CKLF: variants seen among roughly 807,000 people sequenced by gnomAD.
The protein encoded by CKLF is chemokine-like factor.
In CKLF, 16 loss-of-function variants were observed where a neutral mutation model predicts 12.9. The ratio of observed to expected loss-of-function variants is 1.24; its 90% CI spans 0.84 to 1.88. The LOEUF is 1.88. CKLF is among the 40% of genes most tolerant of loss of function. The pLI is 0.00. For synonymous variants in CKLF, 61 were observed against 69.0 expected (o/e 0.88, Z 0.57); for missense variants, 172 against 188.5 (o/e 0.91, Z 0.51).
intron 2 of CKLF, 172 bp from the exon 3 acceptor site, chr16:66,562,950 G>A: frequency 1.4e-6 from 1 of 724,012 alleles, no homozygotes; most frequent in Non-Finnish European, 2.3e-6. Flanking sequence ...TCAAACTCCA[G>A]GCTTCAAGTG....
chr16:66,554,424 AAGAAGTTGAGT>A (rs1413805204), intron 1 of CKLF, among the ~76,000 whole-genome samples: 1 of 152,236 alleles, frequency 6.6e-6, no homozygotes, highest in Non-Finnish European at 1.5e-5. Flanking sequence ...AGAGAAATAT[AAGAAGTTGAGT>A]GTTACCTCAT....
chr16:66,557,091 A>G (rs2011478248), intron 1 of CKLF, among the ~76,000 whole-genome samples: 1 of 151,948 alleles, frequency 6.6e-6, no homozygotes, highest in Non-Finnish European at 1.5e-5. Flanking sequence ...TTCTGATTGC[A>G]TTGTTTAGGT....
At chr16:66,566,144 G>A, downstream of CKLF, 1 of 1,600,372 alleles carries the variant, frequency 6.2e-7, no homozygotes, top group South Asian at 1.1e-5. This position sits in a 1 kb window ranked among gnomAD's most constrained non-coding sequence, Gnocchi z 4.9. Context: ...CCCGCGCAGA[G>A]CACTACTGTA....
chr16:66,562,976 A>T, intron 2 of CKLF, 146 bp from the exon 3 acceptor site: 2 of 844,684 alleles, frequency 2.4e-6, no homozygotes, highest in Non-Finnish European at 3.8e-6. Flanking sequence ...TCTGCCTTCC[A>T]AAGTGCTGGG....
At position 66,565,895 on chromosome 16, in the gene CKLF, C is replaced by A; in HGVS notation, c.343C>A (p.Leu115Ile). ...TTGTCTTTCTTTCCAGGTGTTTGCA[C>A]TTGTGACAGCAGTATGCTGTCTTGC... is the stretch of plus-strand genomic sequence containing the variant. ...TLTVGGGVFA[L>I]VTAVCCLADG... The change falls in exon 4 of 4, where the codon CTT (leucine) becomes ATT (isoleucine). Residue 115 changes from leucine (L) to isoleucine (I), a missense_variant. By Grantham distance (5) the Leu-to-Ile change is conservative. Transcript: ENST00000264001. 6.2e-7 allele frequency: 1 copy of A among 1,613,970 alleles called. No homozygotes were observed. The highest frequency in any genetic ancestry group is 8.5e-7 in the Non-Finnish European group (1 of 1,179,974).
At chr16:66,554,593 A>C (rs1466031998) in intron 1 of CKLF, among the ~76,000 whole-genome samples, 1 of 152,198 alleles carries the variant, frequency 6.6e-6, no homozygotes, top group Non-Finnish European at 1.5e-5. Flanking sequence ...AAACACAATA[A>C]ATTTTAGTAT....
chr16:66,559,213 T>A (rs1341616003), intron 2 of CKLF, among the ~76,000 whole-genome samples: 1 of 152,178 alleles, frequency 6.6e-6, no homozygotes, highest in Non-Finnish European at 1.5e-5. Flanking sequence ...AGCTGATAAT[T>A]CCTATTAACA....
chr16:66,564,474 T>C (rs1032763858), intron 3 of CKLF, among the ~76,000 whole-genome samples: 2 of 150,584 alleles, frequency 1.3e-5, no homozygotes, highest in African/African-American at 4.8e-5. Flanking sequence ...TTTTTCTTTT[T>C]TTTTTTTTTC....
downstream of CKLF, chr16:66,566,121 C>A: frequency 6.2e-7 from 1 of 1,609,614 alleles, no homozygotes; most frequent in East Asian, 2.2e-5. This position sits in a 1 kb window ranked among gnomAD's most constrained non-coding sequence, Gnocchi z 4.9. Context: ...GAAGAGATTT[C>A]CGAAGTCTGC....
chr16:66,559,592 C>G (rs1021764691), intron 2 of CKLF, among the ~76,000 whole-genome samples: 4 of 152,214 alleles, frequency 2.6e-5, no homozygotes, highest in African/African-American at 9.7e-5. Flanking sequence ...CTCTGCTTCT[C>G]TAGAGTTTAA....
chr16:66,558,260 G>C lies in CKLF; in HGVS notation c.149G>C (p.Gly50Ala). The part of the protein sequence containing the change: ...QAPEPYIVIT[G>A]FEVTVILFFI... ...CCTGAACCATATATTGTTATCACTG[G>C]ATTTGAAGTCACCGTTATCTTATTT... The change falls in exon 2 of 4, where the codon GGA (glycine) becomes GCA (alanine). Residue 50 changes from glycine (G) to alanine (A), a missense_variant. Gly to Ala is a moderately conservative substitution (Grantham distance 60). Coordinates refer to ENST00000264001, the MANE Select transcript of CKLF (RefSeq NM_016951.4). The C allele has an allele frequency of 6.2e-7, 1 of 1,613,844 alleles. No homozygotes were observed. The highest frequency in any genetic ancestry group is 1.1e-5 in the South Asian group (1 of 90,990).
chr16:66,558,458 C>T, intron 2 of CKLF, 110 bp downstream of exon 2: 21 of 1,445,670 alleles, frequency 1.5e-5, no homozygotes, highest in Non-Finnish European at 1.9e-5. Context: ...CTCTGTTAGG[C>T]TTAGGAAGGA....
intron 2 of CKLF, among the ~76,000 whole-genome samples, chr16:66,562,814 G>A (rs1001872541): frequency 2.6e-5 from 4 of 152,094 alleles, no homozygotes; most frequent in East Asian, 1.9e-4. Flanking sequence ...TCTGCCTCCC[G>A]GGTTCAAGCA....
chr16:66,555,752 G>A (rs2011418810), intron 1 of CKLF, among the ~76,000 whole-genome samples: 1 of 152,190 alleles, frequency 6.6e-6, no homozygotes, highest in South Asian at 2.1e-4. Flanking sequence ...AAACAAATTT[G>A]CATGTTAGAA....
At chr16:66,555,613 G>A (rs1237269191) in intron 1 of CKLF, among the ~76,000 whole-genome samples, 1 of 152,218 alleles carries the variant, frequency 6.6e-6, no homozygotes, top group African/African-American at 2.4e-5. Context: ...TGGATAAATT[G>A]TGAAGCAAGT....
chr16:66,557,894 G>C (rs939633704), intron 1 of CKLF, among the ~76,000 whole-genome samples: 3 of 152,136 alleles, frequency 2.0e-5, no homozygotes, highest in African/African-American at 7.2e-5. Context: ...TCCTCTAAAA[G>C]ACAAAGAGAA....
In CKLF at chr16:66,565,963, CGG is replaced by C. The variant is rs762714212; in HGVS notation, c.412_413del (p.Gly138SerfsTer9). The stretch of plus-strand genomic sequence containing the variant: ...ACCGGAAGCTTCTGTTCAATCCCAG[CGG>C]TCCTTACCAGAAAAAGCCTGTGCAT... The part of the protein sequence containing the change: ...IYRKLLFNPS[G>X]PYQKKPVHEK... On this transcript the variant is annotated frameshift_variant, in exon 4 of 4. Coordinates refer to ENST00000264001, the MANE Select transcript of CKLF (RefSeq NM_016951.4). LOFTEE classifies it low-confidence loss of function (END_TRUNC). 3 of 1,613,086 alleles carry C rather than the reference CGG, an allele frequency of 1.9e-6. No homozygotes were observed. The highest frequency in any genetic ancestry group is 1.7e-6 in the Non-Finnish European group (2 of 1,179,152).
rs2011882684 is a variant in CKLF, at chr16:66,563,330, GGCCAATATACAAT to G, written c.333+117_333+129del. ...ACTATATTCATCCTTGAGATTCCTA[GGCCAATATACAAT>G]GCCTAGTGGCTTAATATTTTTGTCT... On this transcript the variant is annotated intron_variant, in intron 3 of 3. Coordinates refer to ENST00000264001, the MANE Select transcript of CKLF (RefSeq NM_016951.4). The G allele has an allele frequency of 3.1e-6, 4 of 1,282,750 alleles. No homozygotes were observed. The Admixed American group carries it at 9.8e-5, about 31-fold the overall frequency. The allele number at this position is 1,282,750 out of a possible 1,614,324, so 79.5% of individuals were successfully genotyped here.
In CKLF at chr16:66,565,933, T is replaced by A. The variant is rs1377935947; in HGVS notation, c.381T>A (p.Leu127=). ...TAVCCLADGA[L]IYRKLLFNPS... is the part of the protein sequence containing the mutation. The stretch of plus-strand genomic sequence containing the variant: ...TATGCTGTCTTGCCGACGGGGCCCT[T>A]ATTTACCGGAAGCTTCTGTTCAATC... The change falls in exon 4 of 4, where the codon CTT becomes CTA. Residue 127 remains leucine, a synonymous_variant. Transcript: ENST00000264001. 1 of 1,614,166 alleles carries A rather than the reference T, an allele frequency of 6.2e-7. No homozygotes were observed. The highest frequency in any genetic ancestry group is 1.1e-5 in the South Asian group (1 of 91,078).
Sources: gnomAD v4.1 joint callset for allele counts (sites outside exome capture counted in the v4.1 genomes callset) on GRCh38, gnomAD v4.1.1 for gene constraint, Gnocchi (gnomAD v3.1) non-coding constraint, MANE v1.5 for transcripts, NCBI Gene and HGNC (gene_info 2026-07-23, HGNC 2026-07-21) for gene names.